The following WASHC2C variants were observed in gnomAD, a reference collection of about 807,000 sequenced individuals.
The protein encoded by WASHC2C is WASH complex subunit 2C.
In WASHC2C, 73 loss-of-function variants were observed where a neutral mutation model predicts 142.2. The ratio of observed to expected loss-of-function variants is 0.51; its 90% CI spans 0.43 to 0.62. The LOEUF (loss-of-function observed/expected upper bound fraction) is 0.62, where lower values mean the gene tolerates loss of function less well. Ranked by LOEUF, WASHC2C falls within the 20% of genes least tolerant of loss-of-function variation. The pLI is 0.00. For synonymous variants in WASHC2C, 337 were observed against 565.5 expected, an observed-to-expected ratio of 0.60 and a Z score of 5.73; for missense variants, 969 against 1,531.7, an observed-to-expected ratio of 0.63 and a Z score of 6.13.
At chr10:45,786,223 G>T in intron 26 of WASHC2C, 1 of 359,148 alleles carries the variant, frequency 2.8e-6, no homozygotes, top group South Asian at 2.3e-5. Flanking sequence ...CTGGGGCTCA[G>T]ATCTTTTGCT....
upstream of WASHC2C, chr10:45,727,198 A>G: frequency 6.8e-7 from 1 of 1,469,776 alleles, no homozygotes. Context: ...CTGTCACGTG[A>G]CATCAGGTCA....
At chr10:45,738,710 A>T (rs191068843) in intron 4 of WASHC2C, among the ~76,000 whole-genome samples, 83 of 152,088 alleles carry the variant, frequency 5.5e-4, no homozygotes, top group East Asian at 7.7e-4. Flanking sequence ...TATTTAAAAA[A>T]TTTTTTTATT....
Position 45,768,023 on chromosome 10 carries a change from T to C in WASHC2C, c.1870-1426T>C, listed in dbSNP as rs368605057. Among the ~76,000 whole-genome samples, 31 of 133,230 alleles carry C rather than the reference T, an allele frequency of 2.3e-4. No homozygotes were observed. The East Asian group carries it at 5.4e-3, about 23-fold the overall frequency. 87.4% of individuals were successfully genotyped at this position (133,230 alleles called of 152,430 possible). A position where few individuals can be genotyped will look rare whatever the true frequency, so the allele number is the denominator to read the frequency against. On this transcript the variant is annotated intron_variant, in intron 19 of 30. Transcript: ENST00000623400. ...GGCAGATCACCTGAGATTAGGAGTT[T>C]GAGACCAGCCTGGCCAACATGGCGA...
intron 23 of WASHC2C, among the ~76,000 whole-genome samples, chr10:45,783,821 A>G (rs1335102222): frequency 6.6e-6 from 1 of 152,202 alleles, no homozygotes; most frequent in Non-Finnish European, 1.5e-5. Flanking sequence ...TTAGAATGTC[A>G]GGTCTGGAGC....
chr10:45,746,226 TAGAGAC>T (rs1554871037), intron 7 of WASHC2C, among the ~76,000 whole-genome samples: 1 of 143,078 alleles, frequency 7.0e-6, no homozygotes, highest in Non-Finnish European at 1.5e-5. Context: ...TGCAAGGAAA[TAGAGAC>T]AGTATAGTCC....
Position 45,746,711 on chromosome 10 carries a change from A to G in WASHC2C, c.732+64A>G, listed in dbSNP as rs527952642. 364 of 1,588,248 alleles carry G rather than the reference A, an allele frequency of 2.3e-4. No homozygotes were observed. In the African/African-American group the frequency reaches 4.1e-3, roughly 18 times the overall value. On this transcript the variant is annotated intron_variant, in intron 8 of 30. Coordinates refer to ENST00000623400, the MANE Select transcript of WASHC2C (RefSeq NM_001330074.2). ...TTAATTGAAGCATAGTATATATACTAAAATTACTTTGGAATGATTTATGAC... is the reference window on the plus strand; with the variant it reads ...TTAATTGAAGCATAGTATATATACTGAAATTACTTTGGAATGATTTATGAC...
intron 18 of WASHC2C, among the ~76,000 whole-genome samples, chr10:45,764,790 C>T (rs1182471965): frequency 6.6e-6 from 1 of 152,284 alleles, no homozygotes; most frequent in Non-Finnish European, 1.5e-5. Context: ...TAGTGTGAAG[C>T]TCTTGCAGAG....
chr10:45,783,668 C>G (rs1227335444), intron 23 of WASHC2C, among the ~76,000 whole-genome samples: 5 of 152,164 alleles, frequency 3.3e-5, no homozygotes, highest in Non-Finnish European at 7.3e-5. Context: ...ACCACATTGG[C>G]CAGGCTGGTC....
chr10:45,764,009 A>G (rs879946079), intron 18 of WASHC2C, among the ~76,000 whole-genome samples: 2 of 152,054 alleles, frequency 1.3e-5, no homozygotes, highest in African/African-American at 2.4e-5. Context: ...GCTTCTTGAC[A>G]CAGTTCTTAT....
chr10:45,788,111 T>A (rs1430476468), intron 28 of WASHC2C, among the ~76,000 whole-genome samples: 4 of 151,318 alleles, frequency 2.6e-5, no homozygotes, highest in Non-Finnish European at 5.9e-5. Context: ...TTTCATTGGC[T>A]TTTTTTTTAT....
At chr10:45,730,272 G>C (rs1270273772) in intron 3 of WASHC2C, among the ~76,000 whole-genome samples, 2 of 135,660 alleles carry the variant, frequency 1.5e-5, no homozygotes, top group Non-Finnish European at 3.2e-5. Context: ...GCTTGAACCT[G>C]GGAGGCGGAG....
rs1331191423 is a variant in WASHC2C at position 45,727,559 on chromosome 10, G to A, written c.126+20G>A. ...GCGGGCGTGAGAGGCGGGCCCCGGG[G>A]ACGCGAGAGCGGCAGGGGTGACGCT... On this transcript the variant is annotated intron_variant, in intron 2 of 30. Transcript: ENST00000623400. 11 of 1,563,064 alleles carry A rather than the reference G, an allele frequency of 7.0e-6. No homozygotes were observed. Among genetic ancestry groups the A allele is most frequent in the Non-Finnish European group, 9.5e-6 (11 of 1,155,592 alleles).
chr10:45,732,143 G>A (rs2050686127), intron 3 of WASHC2C, among the ~76,000 whole-genome samples: 3 of 152,064 alleles, frequency 2.0e-5, no homozygotes. Context: ...TCAGTACTTA[G>A]GTGTTACAAT....
rs149345589 is a variant in WASHC2C at position 45,735,141 on chromosome 10, C to A, written c.292-2842C>A. Among the ~76,000 whole-genome samples, 518 of 151,592 alleles carry A rather than the reference C, an allele frequency of 3.4e-3. 3 individuals carry two copies. Among genetic ancestry groups the A allele is most frequent in the African/African-American group, 0.012 (497 of 41,256 alleles). The stretch of plus-strand genomic sequence containing the variant: ...TTTCTAATGTCTTATTAGGGCAAGT[C>A]CCCATAATCTGTTTTTATTCAGAAT... On this transcript the variant is annotated intron_variant, in intron 3 of 30. Transcript: ENST00000623400.
intron 16 of WASHC2C, among the ~76,000 whole-genome samples, chr10:45,758,634 G>A (rs2054637093): frequency 6.8e-6 from 1 of 147,634 alleles, no homozygotes; most frequent in Admixed American, 6.8e-5. Flanking sequence ...GTGAGACAGG[G>A]TCTTGCTCTG....
chr10:45,727,307 G>T lies in WASHC2C; in HGVS notation c.-11G>T, dbSNP rs1279086161. The T allele has an allele frequency of 6.4e-7, 1 of 1,569,490 alleles. No homozygotes were observed. The highest frequency in any genetic ancestry group is 8.6e-7 in the Non-Finnish European group (1 of 1,158,608). On this transcript the variant is annotated 5_prime_UTR_variant, in exon 1 of 31. Coordinates refer to ENST00000623400, the MANE Select transcript of WASHC2C (RefSeq NM_001330074.2). The stretch of plus-strand genomic sequence containing the variant: ...TGGCAGCCTCGGAGCCCACCGAGCC[G>T]GGCGGCTGGGATGGTGAGGGCGGCG...
rs1554886708 is a variant in WASHC2C at position 45,777,324 on chromosome 10, GAGA to G, written c.2197_2199del (p.Lys733del). 2.5e-6 allele frequency: 4 copies of G among 1,606,208 alleles called. No homozygotes were observed. Among genetic ancestry groups the G allele is most frequent in the South Asian group, 2.2e-5 (2 of 90,848 alleles). ...ACCTTTGCTGTTCAGCGATGAAGAAGAGAAGGAGGCACAACTTGGAGTGAAGTC... is the reference window on the plus strand; with the variant it reads ...ACCTTTGCTGTTCAGCGATGAAGAAGAGGAGGCACAACTTGGAGTGAAGTC... On this transcript the variant is annotated inframe_deletion, in exon 22 of 31. Coordinates refer to ENST00000623400, the MANE Select transcript of WASHC2C (RefSeq NM_001330074.2).
intron 3 of WASHC2C, among the ~76,000 whole-genome samples, chr10:45,732,734 A>C (rs1162616675): frequency 6.6e-6 from 1 of 152,202 alleles, no homozygotes; most frequent in Admixed American, 6.5e-5. Context: ...CAATAATGGG[A>C]CACTAGGCAT....
chr10:45,742,518 G>A (rs1328754429), intron 5 of WASHC2C, among the ~76,000 whole-genome samples: 3 of 152,216 alleles, frequency 2.0e-5, no homozygotes, highest in Admixed American at 6.5e-5. Flanking sequence ...GTTTCACCAC[G>A]TTGGCCAGGC....
Sources: gnomAD v4.1 joint callset for allele counts (sites outside exome capture counted in the v4.1 genomes callset) on GRCh38, gnomAD v4.1.1 for gene constraint, MANE v1.5 for transcripts, NCBI Gene and HGNC (gene_info 2026-07-23, HGNC 2026-07-21) for gene names.